Variants in KCMF1 observed in about 807,000 individuals in gnomAD.
KCMF1 encodes potassium channel modulatory factor 1.
KCMF1 carries 3 observed loss-of-function variants against 41.1 expected under a neutral mutation model. The observed-to-expected ratio is 0.07, with a 90% confidence interval of 0.03 to 0.19. The LOEUF is 0.19. KCMF1 is among the 10% of genes least tolerant of loss of function. The pLI is 1.00. For missense variants in KCMF1, 286 were observed against 488.9 expected, an observed-to-expected ratio of 0.58 and a Z score of 3.91; for synonymous variants, 142 against 164.5, an observed-to-expected ratio of 0.86 and a Z score of 1.04.
At chr2:85,017,291 G>T (rs1231516571) in intron 1 of KCMF1, among the ~76,000 whole-genome samples, 1 of 150,938 alleles carries the variant, frequency 6.6e-6, no homozygotes, top group Non-Finnish European at 1.5e-5. Flanking sequence ...CTCCCAAAGT[G>T]CTGGGATTAC....
At chr2:85,035,810 G>C (rs1675390115) in intron 3 of KCMF1, among the ~76,000 whole-genome samples, 1 of 152,150 alleles carries the variant, frequency 6.6e-6, no homozygotes, top group Non-Finnish European at 1.5e-5. Flanking sequence ...GTACACCTAA[G>C]AGTCTCTCCC....
At chr2:85,005,246 A>G (rs999913430) in intron 1 of KCMF1, among the ~76,000 whole-genome samples, 5 of 150,758 alleles carry the variant, frequency 3.3e-5, no homozygotes, top group African/African-American at 1.2e-4. Flanking sequence ...AATTATACGT[A>G]TTTCTAGGGT....
intron 5 of KCMF1, among the ~76,000 whole-genome samples, chr2:85,048,562 C>G (rs753365121): frequency 2.6e-5 from 4 of 152,160 alleles, no homozygotes; most frequent in Non-Finnish European, 5.9e-5. Context: ...AGGCAGTCAT[C>G]GATTCCCTAT....
chr2:85,043,688 G>A (rs1675596563), intron 4 of KCMF1, 23 bp downstream of exon 4: 3 of 1,433,884 alleles, frequency 2.1e-6, no homozygotes, highest in Non-Finnish European at 2.9e-6. Context: ...GAGATGACAA[G>A]GAAAAGAGTT....
chr2:85,000,939 C>A (rs1674311403), intron 1 of KCMF1, among the ~76,000 whole-genome samples: 1 of 151,134 alleles, frequency 6.6e-6, no homozygotes, highest in South Asian at 2.1e-4. Flanking sequence ...CCGCCATGCC[C>A]AGCTAAAGTT....
chr2:85,005,446 A>G (rs7567931), intron 1 of KCMF1, among the ~76,000 whole-genome samples: 2,674 of 148,908 alleles, frequency 0.018, 63 homozygotes, highest in African/African-American at 0.062. Flanking sequence ...CCACCACCAC[A>G]CCCAACTAAT....
chr2:84,994,096 C>T (rs1674116171), intron 1 of KCMF1, among the ~76,000 whole-genome samples: 2 of 151,938 alleles, frequency 1.3e-5, no homozygotes, highest in Middle Eastern at 6.8e-3. Context: ...TACTGGCACT[C>T]GCCACCATGC....
intron 1 of KCMF1, among the ~76,000 whole-genome samples, chr2:85,023,465 C>A (rs1009688228): frequency 3.7e-4 from 55 of 150,536 alleles, no homozygotes; most frequent in African/African-American, 1.2e-3. Flanking sequence ...ACTACAGGCG[C>A]CCGCCACCAC....
intron 1 of KCMF1, among the ~76,000 whole-genome samples, chr2:84,996,480 G>A (rs1042561188): frequency 2.9e-5 from 4 of 136,794 alleles, no homozygotes; most frequent in African/African-American, 1.1e-4. Context: ...CTGTCACCCA[G>A]GCTGGAGTGC....
Position 84,988,285 on chromosome 2 carries a change from G to T in KCMF1, c.16+16818G>T, listed in dbSNP as rs189489469. On this transcript the variant is annotated intron_variant, in intron 1 of 6. Coordinates refer to ENST00000409785, the MANE Select transcript of KCMF1 (RefSeq NM_020122.5). ...AATGGGGGTGGGAAGTAGAGTAGAT[G>T]AAGAGGCAGCAAGGGGAGAAACTAA... Among the ~76,000 whole-genome samples the T allele has an allele frequency of 3.9e-5, 6 of 151,960 alleles. No homozygotes were observed. In the East Asian group the frequency reaches 7.7e-4, roughly 20 times the overall value.
chr2:85,031,314 A>G (rs1313607617), intron 2 of KCMF1, among the ~76,000 whole-genome samples: 1 of 152,178 alleles, frequency 6.6e-6, no homozygotes, highest in Non-Finnish European at 1.5e-5. Context: ...TCTTTTGACA[A>G]ACTTTTGTAG....
intron 1 of KCMF1, among the ~76,000 whole-genome samples, chr2:85,024,581 AGAGT>A (rs578044701): frequency 0.099 from 13,494 of 136,880 alleles, 682 homozygotes; most frequent in East Asian, 0.34. Context: ...AGAGAGAGAG[AGAGT>A]GTGTGTGTGT....
At chr2:84,999,873 T>G (rs1295042826) in intron 1 of KCMF1, among the ~76,000 whole-genome samples, 4 of 152,030 alleles carry the variant, frequency 2.6e-5, no homozygotes, top group African/African-American at 9.7e-5. Context: ...GACAAGGAAG[T>G]GAGGAAATCT....
chr2:85,037,582 C>T (rs1053970620), intron 3 of KCMF1, among the ~76,000 whole-genome samples: 1 of 152,194 alleles, frequency 6.6e-6, no homozygotes, highest in Non-Finnish European at 1.5e-5. Context: ...TCTCACCCCT[C>T]AATGTTTTGC....
chr2:85,048,241 T>G (rs116699137), intron 5 of KCMF1, among the ~76,000 whole-genome samples: 2,332 of 152,300 alleles, frequency 0.015, 30 homozygotes, highest in South Asian at 0.063. Context: ...AAAACAAGCC[T>G]AATAAACTGA....
chr2:85,051,596 A>G (rs1354653034), intron 6 of KCMF1, among the ~76,000 whole-genome samples: 1 of 152,034 alleles, frequency 6.6e-6, no homozygotes, highest in Non-Finnish European at 1.5e-5. Context: ...GATACTGTAC[A>G]TTCTATGGTA....
chr2:85,005,197 G>A (rs772733552), intron 1 of KCMF1, among the ~76,000 whole-genome samples: 17 of 152,166 alleles, frequency 1.1e-4, no homozygotes, highest in Non-Finnish European at 1.6e-4. Context: ...ATGAGCCGCC[G>A]TGCCTGGCCT....
chr2:85,054,299 CTTTG>C lies in KCMF1; in HGVS notation c.*894_*897del, dbSNP rs1675880000. On this transcript the variant is annotated 3_prime_UTR_variant, in exon 7 of 7. Transcript: ENST00000409785. ...ACAGAGTTAACCTGAATTATGTTGT[CTTTG>C]TTTTTAAAAATCTCACATTCTCAAT... The C allele has an allele frequency of 6.6e-6, 1 of 152,032 alleles. No individual in the cohort carries two copies. The highest frequency in any genetic ancestry group is 1.5e-5 in the Non-Finnish European group (1 of 67,992). 9.4% of individuals were successfully genotyped at this position (152,032 alleles called of 1,614,324 possible). A position where few individuals can be genotyped will look rare whatever the true frequency, so the allele number is the denominator to read the frequency against.
At chr2:85,028,651 G>A (rs1009631240) in intron 2 of KCMF1, among the ~76,000 whole-genome samples, 11 of 151,672 alleles carry the variant, frequency 7.3e-5, no homozygotes, top group South Asian at 2.1e-4. Flanking sequence ...CACCATGCCC[G>A]GCTGATTTTT....
Sources: gnomAD v4.1 joint callset for allele counts (sites outside exome capture counted in the v4.1 genomes callset) on GRCh38, gnomAD v4.1.1 for gene constraint, MANE v1.5 for transcripts, NCBI Gene and HGNC (gene_info 2026-07-23, HGNC 2026-07-21) for gene names.